The following FGD3 variants were observed in gnomAD, a reference collection of about 807,000 sequenced individuals.
The protein encoded by FGD3 is FYVE, RhoGEF and PH domain containing 3.
Under a neutral mutation model 71.8 loss-of-function variants are expected in FGD3, and 45 were observed. The observed-to-expected ratio is 0.63, with a 90% CI of 0.49 to 0.80. FGD3 has a LOEUF of 0.80. Among genes scored for constraint, FGD3 ranks in the 30% least tolerant of loss-of-function variants. The pLI is 0.00. For missense variants in FGD3, 844 were observed against 951.5 expected (o/e 0.89, Z 1.49); for synonymous variants, 378 against 392.8 (o/e 0.96, Z 0.44).
chr9:92,960,332 G>A (rs1235264011), intron 1 of FGD3, among the ~76,000 whole-genome samples: 1 of 151,720 alleles, frequency 6.6e-6, no homozygotes, highest in Non-Finnish European at 1.5e-5. Flanking sequence ...CCATCCCCAT[G>A]TCCTCATTCC....
chr9:92,987,536 T>G (rs1008485446), intron 3 of FGD3, among the ~76,000 whole-genome samples: 11 of 152,122 alleles, frequency 7.2e-5, no homozygotes, highest in African/African-American at 2.7e-4. Context: ...GCCTCCTGTC[T>G]AGGAGGGCCA....
At chr9:93,019,197 C>A (rs1861820599) in intron 11 of FGD3, among the ~76,000 whole-genome samples, 1 of 152,202 alleles carries the variant, frequency 6.6e-6, no homozygotes, top group South Asian at 2.1e-4. Flanking sequence ...TGTTTTAAAT[C>A]ACAGATGGCT....
chr9:93,009,257 C>G (rs971689885), intron 6 of FGD3, among the ~76,000 whole-genome samples: 1 of 116,158 alleles, frequency 8.6e-6, no homozygotes, highest in East Asian at 2.3e-4. Context: ...AGCGAGACTC[C>G]GTCTCAAAAA....
intron 3 of FGD3, among the ~76,000 whole-genome samples, chr9:92,977,376 C>T (rs987957450): frequency 2.6e-5 from 4 of 152,088 alleles, no homozygotes; most frequent in Non-Finnish European, 5.9e-5. Context: ...GCCTCAGCCT[C>T]AGAGAAACTG....
chr9:92,989,483 A>G (rs773957058), intron 3 of FGD3, among the ~76,000 whole-genome samples: 1 of 152,222 alleles, frequency 6.6e-6, no homozygotes, highest in African/African-American at 2.4e-5. Flanking sequence ...ACTGGTTTCA[A>G]TCAATTTAGA....
chr9:92,969,525 C>T lies in FGD3; in HGVS notation c.-217-5713C>T, dbSNP rs1257448101. ...CCACCACTAACGCGTTTGTTGCTCC[C>T]CCTACATAACATGCCATTGTTATGG... On this transcript the variant is annotated intron_variant, in intron 1 of 17. Transcript: ENST00000375482. The surrounding 1 kb of genome is among the most constrained non-coding windows in gnomAD (Gnocchi z 4.5). 6.6e-6 allele frequency among the ~76,000 whole-genome samples: 1 copy of T among 152,212 alleles called. No individual in the cohort carries two copies. Among genetic ancestry groups the T allele is most frequent in the Non-Finnish European group, 1.5e-5 (1 of 68,042 alleles).
At chr9:93,032,717 G>T (rs1320937414) in intron 15 of FGD3, 52 bp from the exon 16 acceptor site, 2 of 1,572,614 alleles carry the variant, frequency 1.3e-6, no homozygotes, top group Non-Finnish European at 1.7e-6. Flanking sequence ...CATCTTCCTG[G>T]ATAATCCTCT....
intron 6 of FGD3, among the ~76,000 whole-genome samples, chr9:93,007,837 C>T (rs1036003277): frequency 3.3e-5 from 5 of 152,168 alleles, no homozygotes; most frequent in African/African-American, 1.2e-4. Flanking sequence ...ATTGGGTGCA[C>T]CCAGCATCTG....
intron 1 of FGD3, among the ~76,000 whole-genome samples, chr9:92,962,050 A>AG (rs1859176967): frequency 6.6e-6 from 1 of 152,172 alleles, no homozygotes; most frequent in Admixed American, 6.5e-5. Flanking sequence ...ATTGGGGGGC[A>AG]GGCTGCCAAA....
intron 8 of FGD3, among the ~76,000 whole-genome samples, chr9:93,012,194 A>G (rs942791861): frequency 2.0e-5 from 3 of 152,206 alleles, no homozygotes; most frequent in African/African-American, 4.8e-5. Flanking sequence ...ACCAGGGGGA[A>G]AAAAAGGAAT....
At chr9:92,972,528 G>A (rs1228716301) in intron 1 of FGD3, among the ~76,000 whole-genome samples, 2 of 151,322 alleles carry the variant, frequency 1.3e-5, no homozygotes, top group African/African-American at 2.4e-5. Context: ...TTCCTGAAAT[G>A]TTTGTAGAAT....
chr9:92,989,232 G>A (rs924456083), intron 3 of FGD3, among the ~76,000 whole-genome samples: 5 of 152,066 alleles, frequency 3.3e-5, no homozygotes, highest in African/African-American at 1.2e-4. Context: ...TGTGTTTTTA[G>A]TAGAGACGGG....
chr9:93,031,516 A>G (rs977021770), intron 15 of FGD3, among the ~76,000 whole-genome samples: 8 of 152,242 alleles, frequency 5.3e-5, no homozygotes, highest in Admixed American at 5.2e-4. Flanking sequence ...TTTGCCCGGT[A>G]TTCCTGCTTC....
Position 93,002,999 on chromosome 9 carries a change from G to A in FGD3, c.528G>A (p.Leu176=), listed in dbSNP as rs1349868580. 1.2e-6 allele frequency: 2 copies of A among 1,614,182 alleles called. No homozygotes were observed. Among genetic ancestry groups the A allele is most frequent in the Admixed American group, 3.3e-5 (2 of 60,024 alleles). Residue 176 remains leucine (L), a synonymous_variant, in exon 4 of 18, where the codon CTG becomes CTA. Transcript: ENST00000375482. The stretch of plus-strand genomic sequence containing the variant: ...CCGAGGAGACCTATGTGAAGCGGCT[G>A]CACCTGCTGGACCAGGTAGCCCACA... ...LHTEETYVKR[L]HLLDQVFCTR...
intron 1 of FGD3, among the ~76,000 whole-genome samples, chr9:92,950,386 T>C (rs1587806183): frequency 6.9e-6 from 1 of 145,950 alleles, no homozygotes; most frequent in East Asian, 2.0e-4. Flanking sequence ...CACTACACAC[T>C]CCAGCCTGGG....
At position 92,969,128 on chromosome 9, in the gene FGD3, GTAACCCA is replaced by G; in HGVS notation, c.-217-6109_-217-6103del. Among the ~76,000 whole-genome samples the G allele has an allele frequency of 6.6e-6, 1 of 152,358 alleles. No individual in the cohort carries two copies. Among genetic ancestry groups the G allele is most frequent in the Non-Finnish European group, 1.5e-5 (1 of 68,034 alleles). On this transcript the variant is annotated intron_variant, in intron 1 of 17. Transcript: ENST00000375482. The surrounding 1 kb of genome is among the most constrained non-coding windows in gnomAD (Gnocchi z 4.5). ...TATTGCCTGGATTCTCTATCACAGG[GTAACCCA>G]CAAGGGAGATCTTGTCGTCATCATC...
At chr9:92,961,811 C>T (rs1004528975) in intron 1 of FGD3, among the ~76,000 whole-genome samples, 76 of 152,312 alleles carry the variant, frequency 5.0e-4, no homozygotes, top group African/African-American at 1.6e-3. Flanking sequence ...AGTTCCTCTC[C>T]GCATGGGCCT....
intron 1 of FGD3, among the ~76,000 whole-genome samples, chr9:92,954,269 A>G (rs937719533): frequency 1.3e-5 from 2 of 152,188 alleles, no homozygotes; most frequent in Non-Finnish European, 2.9e-5. Flanking sequence ...CCAAAGCCAC[A>G]CAGGAATGAC....
intron 16 of FGD3, chr9:93,033,464 CCTT>C (rs1409383752): frequency 4.4e-5 from 7 of 160,656 alleles, no homozygotes; most frequent in South Asian, 1.5e-4. Flanking sequence ...TCTTCCCTCT[CCTT>C]CTCCTCCTCC....
Sources: allele counts gnomAD v4.1 joint callset (sites outside exome capture counted in the v4.1 genomes callset), GRCh38; gene constraint gnomAD v4.1.1; non-coding constraint Gnocchi (gnomAD v3.1); transcripts MANE v1.5; gene names NCBI Gene and HGNC (gene_info 2026-07-23, HGNC 2026-07-21).